The following SOX6 variants were observed in gnomAD, a reference collection of about 807,000 sequenced individuals.
SOX6 encodes SRY-box transcription factor 6.
A neutral mutation model predicts 97.8 loss-of-function variants in SOX6; 11 were observed. The observed-to-expected ratio is 0.11, with a 90% CI of 0.07 to 0.19. The LOEUF (loss-of-function observed/expected upper bound fraction) is 0.19. Ranked by LOEUF, SOX6 falls within the 10% of genes least tolerant of loss-of-function variation. The probability of loss-of-function intolerance (pLI) is 1.00; values close to 1 mark genes in which losing one functional copy is unlikely to be tolerated. For synonymous variants in SOX6, 360 were observed against 371.4 expected (o/e 0.97, Z 0.35); for missense variants, 810 against 1,039.5 (o/e 0.78, Z 3.04).
Position 15,968,559 on chromosome 11 carries a change from G to A in SOX6, c.*4250C>T, listed in dbSNP as rs1046288930. ...AATGGGCTTTCCTGAAACAATCCCT[G>A]CTTTCTGCTAGTGCTTGTGCTCCTG... On this transcript the variant is annotated 3_prime_UTR_variant, in exon 16 of 16. Transcript: ENST00000683767. 6.6e-6 allele frequency: 1 copy of A among 152,202 alleles called. No individual in the cohort carries two copies. The highest frequency in any genetic ancestry group is 1.5e-5 in the Non-Finnish European group (1 of 68,052). 9.4% of individuals were successfully genotyped at this position (152,202 alleles called of 1,614,324 possible).
intron 4 of SOX6, among the ~76,000 whole-genome samples, chr11:16,225,629 C>G (rs1211744669): frequency 6.6e-6 from 1 of 152,060 alleles, no homozygotes; most frequent in African/African-American, 2.4e-5. Context: ...TGTTGCAGAA[C>G]ACTAATTCTA....
chr11:16,200,494 CT>C (rs1177897863), intron 4 of SOX6, among the ~76,000 whole-genome samples: 1 of 152,162 alleles, frequency 6.6e-6, no homozygotes, highest in Non-Finnish European at 1.5e-5. Context: ...TTTTAAAGTG[CT>C]CATTGACTTT....
intron 9 of SOX6, among the ~76,000 whole-genome samples, chr11:16,074,191 A>C (rs926975789): frequency 6.6e-6 from 1 of 152,114 alleles, no homozygotes; most frequent in African/African-American, 2.4e-5. Flanking sequence ...AAATAAGATT[A>C]ATAGACCACT....
intron 9 of SOX6, among the ~76,000 whole-genome samples, chr11:16,075,243 AG>A (rs1173769553): frequency 6.6e-6 from 1 of 152,190 alleles, no homozygotes; most frequent in Non-Finnish European, 1.5e-5. Context: ...AAAGAAAAAG[AG>A]GTTTAATAAG....
intron 5 of SOX6, among the ~76,000 whole-genome samples, chr11:16,185,395 C>T (rs1019070921): frequency 3.3e-5 from 5 of 152,154 alleles, no homozygotes; most frequent in African/African-American, 9.7e-5. Flanking sequence ...AGTGAAATGC[C>T]ACTAGGCATC....
At position 16,132,401 on chromosome 11, in the gene SOX6, A is replaced by AGAAAAAAAG. The variant is rs34012369; in HGVS notation, c.778-20479_778-20478insCTTTTTTTC. ...AAGAAAGAAAGAAAGAAAGAAAGAA[A>AGAAAAAAAG]AAAGAAAGAAAGAAAGAAAGAAAGA... On this transcript the variant is annotated intron_variant, in intron 6 of 15. Coordinates refer to ENST00000683767, the MANE Select transcript of SOX6 (RefSeq NM_001367873.1). Among the ~76,000 whole-genome samples the AGAAAAAAAG allele has an allele frequency of 1.8e-4, 8 of 43,844 alleles. 1 individual carries two copies. Among genetic ancestry groups the AGAAAAAAAG allele is most frequent in the African/African-American group, 7.8e-4 (7 of 9,012 alleles). The allele number at this position is 43,844 out of a possible 152,430, so 28.8% of individuals were successfully genotyped here.
chr11:16,213,384 T>C (rs1166406505), intron 4 of SOX6, among the ~76,000 whole-genome samples: 1 of 152,162 alleles, frequency 6.6e-6, no homozygotes, highest in Admixed American at 6.6e-5. Flanking sequence ...ACCCTGTCTT[T>C]CCCTGTATAT....
At chr11:16,052,677 T>C (rs1167750007) in intron 10 of SOX6, among the ~76,000 whole-genome samples, 2 of 152,220 alleles carry the variant, frequency 1.3e-5, no homozygotes, top group Non-Finnish European at 2.9e-5. Flanking sequence ...TTTTACCTTC[T>C]GGAGTGACGA....
chr11:16,339,967 A>G (rs890016487), intron 2 of SOX6, among the ~76,000 whole-genome samples: 6 of 152,054 alleles, frequency 3.9e-5, no homozygotes, highest in African/African-American at 1.4e-4. Flanking sequence ...CAAAACTAAA[A>G]TTAGTCTAGA....
At chr11:16,546,578 A>G (rs1369403774) in intron 4 of SOX6, among the ~76,000 whole-genome samples, 1 of 152,168 alleles carries the variant, frequency 6.6e-6, no homozygotes, top group East Asian at 1.9e-4. Flanking sequence ...GAATAAAACT[A>G]GTCCCCTATC....
At chr11:16,227,863 T>C (rs896424732) in intron 4 of SOX6, among the ~76,000 whole-genome samples, 1 of 152,188 alleles carries the variant, frequency 6.6e-6, no homozygotes, top group African/African-American at 2.4e-5. Flanking sequence ...ACTATTCTAG[T>C]CATTCTGATA....
upstream of SOX6, among the ~76,000 whole-genome samples, chr11:16,356,617 T>G (rs1379404314): frequency 6.6e-6 from 1 of 152,030 alleles, no homozygotes; most frequent in African/African-American, 2.4e-5. Flanking sequence ...TACAGAATTC[T>G]CCTGTCTATG....
chr11:16,350,635 A>G (rs1203008364), intron 1 of SOX6, among the ~76,000 whole-genome samples: 1 of 152,208 alleles, frequency 6.6e-6, no homozygotes, highest in Non-Finnish European at 1.5e-5. Context: ...AATAAAAAGT[A>G]TCAACGAGAG....
chr11:16,112,803 C>T (rs1590204172), intron 6 of SOX6, among the ~76,000 whole-genome samples: 1 of 152,136 alleles, frequency 6.6e-6, no homozygotes, highest in Non-Finnish European at 1.5e-5. Flanking sequence ...GCATGCTGCC[C>T]GGATTCCAGG....
intron 3 of SOX6, among the ~76,000 whole-genome samples, chr11:16,243,344 A>G (rs1442322026): frequency 1.3e-5 from 2 of 151,920 alleles, no homozygotes; most frequent in African/African-American, 2.4e-5. Flanking sequence ...CGATAACTAC[A>G]TATTAAGTTT....
chr11:16,563,230 C>G (rs1047292443), intron 4 of SOX6, among the ~76,000 whole-genome samples: 1 of 151,244 alleles, frequency 6.6e-6, no homozygotes, highest in African/African-American at 2.4e-5. Context: ...AAAGAAGAAC[C>G]AAATGAAAAA....
chr11:16,565,764 C>A, intron 4 of SOX6, among the ~76,000 whole-genome samples: 1 of 144,304 alleles, frequency 6.9e-6, no homozygotes, highest in African/African-American at 2.6e-5. Context: ...AAAAACTCGT[C>A]AACAGAAAGA....
intron 4 of SOX6, among the ~76,000 whole-genome samples, chr11:16,535,955 T>C (rs2133173046): frequency 6.6e-6 from 1 of 152,356 alleles, no homozygotes; most frequent in South Asian, 2.1e-4. Flanking sequence ...TTATTTTTAG[T>C]ACTTTAGGAC....
intron 1 of SOX6, among the ~76,000 whole-genome samples, chr11:16,354,487 T>C (rs1405334183): frequency 1.3e-5 from 2 of 151,764 alleles, no homozygotes; most frequent in African/African-American, 2.4e-5. Context: ...AGGGTAAAAA[T>C]ATATTGTTAC....
Sources: allele counts gnomAD v4.1 joint callset (sites outside exome capture counted in the v4.1 genomes callset), GRCh38; gene constraint gnomAD v4.1.1; transcripts MANE v1.5; gene names NCBI Gene and HGNC (gene_info 2026-07-23, HGNC 2026-07-21).